The following CGNL1 variants were observed in gnomAD, a reference collection of about 807,000 sequenced individuals.
CGNL1 encodes the protein cingulin like 1, also known as cingulin-like protein 1.
CGNL1 carries 132 observed loss-of-function variants against 141.2 expected under a neutral mutation model. The observed-to-expected ratio is 0.93, with a 90% CI of 0.81 to 1.08. The LOEUF is 1.08. Among genes scored for constraint, CGNL1 ranks in the 50% least tolerant of loss-of-function variants. The pLI is 0.00. For missense variants in CGNL1, 1,870 were observed against 1,588.6 expected (o/e 1.18, Z -3.01); for synonymous variants, 690 against 622.1 (o/e 1.11, Z -1.63).
At chr15:57,463,632 T>C (rs2063473395) in intron 8 of CGNL1, among the ~76,000 whole-genome samples, 1 of 152,244 alleles carries the variant, frequency 6.6e-6, no homozygotes, top group South Asian at 2.1e-4. Flanking sequence ...CAACTTTCCT[T>C]ACAAAACCAA....
Position 57,497,938 on chromosome 15 carries a change from C to G in CGNL1, c.2404-18842C>G, listed in dbSNP as rs903259316. 5.9e-5 allele frequency among the ~76,000 whole-genome samples: 9 copies of G among 152,204 alleles called. No individual in the cohort carries two copies. In the South Asian group the frequency reaches 1.7e-3, roughly 28 times the overall value. On this transcript the variant is annotated intron_variant, in intron 8 of 18. Transcript: ENST00000281282. ...CTGAGAAGAGTGTGAAAGACATTCT[C>G]TGTACACTTGAGGATCAGAGGTGGG...
intron 4 of CGNL1, among the ~76,000 whole-genome samples, chr15:57,449,184 C>G (rs2063292464): frequency 6.6e-6 from 1 of 152,138 alleles, no homozygotes; most frequent in Non-Finnish European, 1.5e-5. Flanking sequence ...CTCTGCAGTC[C>G]TCTTGAACTC....
chr15:57,505,250 G>A (rs1190658912), intron 8 of CGNL1, among the ~76,000 whole-genome samples: 6 of 152,126 alleles, frequency 3.9e-5, no homozygotes, highest in African/African-American at 7.2e-5. Flanking sequence ...TGTATATAGC[G>A]ACTCATCCTT....
At chr15:57,402,290 A>T (rs1436901196) in intron 1 of CGNL1, among the ~76,000 whole-genome samples, 1 of 152,226 alleles carries the variant, frequency 6.6e-6, no homozygotes, top group Non-Finnish European at 1.5e-5. Context: ...GCCATGTGGC[A>T]TGCCTACTCC....
At chr15:57,407,900 C>G (rs2062741520) in intron 1 of CGNL1, among the ~76,000 whole-genome samples, 1 of 151,838 alleles carries the variant, frequency 6.6e-6, no homozygotes, top group Non-Finnish European at 1.5e-5. Context: ...AGATGCCCAC[C>G]ACCACGCCTG....
chr15:57,449,773 G>T (rs79146851), intron 4 of CGNL1, among the ~76,000 whole-genome samples: 1 of 152,082 alleles, frequency 6.6e-6, no homozygotes, highest in East Asian at 1.9e-4. Context: ...GGTTTCCAAG[G>T]TTTTATTTTT....
In CGNL1 at chr15:57,428,747, G is replaced by A. The variant is rs149427638; in HGVS notation, c.-15-9238G>A. The stretch of plus-strand genomic sequence containing the variant: ...AGGTCATAAAAACAGACTGTGGGCC[G>A]GGCGTAGTGGCTCATGCCTGTATTC... On this transcript the variant is annotated intron_variant, in intron 1 of 18. Transcript: ENST00000281282. 2.5e-3 allele frequency among the ~76,000 whole-genome samples: 384 copies of A among 152,280 alleles called. 4 individuals carry two copies. Among genetic ancestry groups the A allele is most frequent in the African/African-American group, 8.9e-3 (371 of 41,556 alleles).
intron 17 of CGNL1, 70 bp downstream of exon 17, chr15:57,545,770 C>T (rs1294981256): frequency 2.3e-6 from 3 of 1,295,666 alleles, no homozygotes; most frequent in Non-Finnish European, 2.2e-6. Flanking sequence ...GCAAGGGAGG[C>T]AAGGCCTCCC....
At position 57,403,946 on chromosome 15, in the gene CGNL1, G is replaced by C. The variant is rs976462939; in HGVS notation, c.-16+27379G>C. Among the ~76,000 whole-genome samples the C allele has an allele frequency of 2.6e-5, 4 of 152,310 alleles. No individual in the cohort carries two copies. The East Asian group carries it at 7.7e-4, about 29-fold the overall frequency. On this transcript the variant is annotated intron_variant, in intron 1 of 18. Transcript: ENST00000281282. ...CCTCCAAGCCTTCCATAGAGGAAAG[G>C]GGCCTCCCATAGCACTGGCTGATGC...
intron 1 of CGNL1, chr15:57,393,914 C>A (rs1328441375): frequency 1.4e-5 from 2 of 147,538 alleles, no homozygotes; most frequent in African/African-American, 5.0e-5. Context: ...GTTCTAAGTA[C>A]TTAACATGTA....
chr15:57,534,495 G>T (rs1249413831), intron 14 of CGNL1, among the ~76,000 whole-genome samples: 4 of 152,206 alleles, frequency 2.6e-5, no homozygotes, highest in Admixed American at 2.6e-4. Context: ...AGTTGAGGTT[G>T]AGCCAAGGCT....
At chr15:57,516,628 G>C (rs2030820626) in intron 8 of CGNL1, 152 bp from the exon 9 acceptor site, 2 of 712,174 alleles carry the variant, frequency 2.8e-6, no homozygotes, top group East Asian at 5.5e-5. Flanking sequence ...GCTGGGTTTG[G>C]CCTGCAGGCT....
At chr15:57,513,444 G>A (rs2030512407) in intron 8 of CGNL1, among the ~76,000 whole-genome samples, 1 of 152,184 alleles carries the variant, frequency 6.6e-6, no homozygotes, top group Non-Finnish European at 1.5e-5. Context: ...TGATGGACAT[G>A]TAGATTGCTT....
chr15:57,421,063 G>A (rs1482812645), intron 1 of CGNL1, among the ~76,000 whole-genome samples: 2 of 152,168 alleles, frequency 1.3e-5, no homozygotes, highest in Non-Finnish European at 2.9e-5. Context: ...TGAGGATGGG[G>A]CCCTTAAAAT....
At chr15:57,546,579 C>T (rs1367991929) in intron 18 of CGNL1, among the ~76,000 whole-genome samples, 4 of 152,112 alleles carry the variant, frequency 2.6e-5, no homozygotes, top group African/African-American at 9.7e-5. Flanking sequence ...GGGCTTTTTT[C>T]TGACTTAGGG....
intron 8 of CGNL1, among the ~76,000 whole-genome samples, chr15:57,474,200 C>T (rs145097035): frequency 1.2e-3 from 188 of 152,096 alleles, no homozygotes; most frequent in African/African-American, 4.3e-3. Flanking sequence ...TGTAAGCCAC[C>T]GTGCCCAGCC....
chr15:57,437,098 A>T (rs565676976), intron 1 of CGNL1, among the ~76,000 whole-genome samples: 2 of 152,046 alleles, frequency 1.3e-5, no homozygotes, highest in Non-Finnish European at 2.9e-5. Context: ...CTGGTGAGGA[A>T]CCTCGGAGTG....
At position 57,535,068 on chromosome 15, in the gene CGNL1, A is replaced by G. The variant is rs78689276; in HGVS notation, c.3291+3289A>G. 5.1e-3 allele frequency among the ~76,000 whole-genome samples: 781 copies of G among 152,308 alleles called. 10 individuals carry two copies. The highest frequency in any genetic ancestry group is 0.018 in the African/African-American group (745 of 41,562). On this transcript the variant is annotated intron_variant, in intron 14 of 18. Coordinates refer to ENST00000281282, the MANE Select transcript of CGNL1 (RefSeq NM_032866.5). The stretch of plus-strand genomic sequence containing the variant: ...GACTGTTAGATCTGGCAAGGACCTC[A>G]GAGTCCAACTCTCCCCACTTCACTG...
rs1262400859 is a variant in CGNL1, at chr15:57,549,246, G to A, written c.*1756G>A. On this transcript the variant is annotated 3_prime_UTR_variant, in exon 19 of 19. Transcript: ENST00000281282. The stretch of plus-strand genomic sequence containing the variant: ...GTCACAGCTGGGCTTCCACAGGTCA[G>A]AATATGGGACAGGACATGGTCAGGG... 1 of 151,732 alleles carries A rather than the reference G, an allele frequency of 6.6e-6. No homozygotes were observed. The highest frequency in any genetic ancestry group is 6.5e-5 in the Admixed American group (1 of 15,274). The allele number at this position is 151,732 out of a possible 1,614,324, so 9.4% of individuals were successfully genotyped here. A position where few individuals can be genotyped will look rare whatever the true frequency, so the allele number is the denominator to read the frequency against.
Sources: allele counts gnomAD v4.1 joint callset (sites outside exome capture counted in the v4.1 genomes callset), GRCh38; gene constraint gnomAD v4.1.1; transcripts MANE v1.5; gene names NCBI Gene and HGNC (gene_info 2026-07-23, HGNC 2026-07-21).